ETHE1: variants seen among roughly 807,000 people sequenced by gnomAD.
The protein encoded by ETHE1 is persulfide dioxygenase ETHE1, mitochondrial.
ETHE1 carries 16 observed loss-of-function variants against 25.7 expected under a neutral mutation model. The observed-to-expected ratio is 0.62, with a 90% CI of 0.42 to 0.95. The LOEUF (loss-of-function observed/expected upper bound fraction) is 0.95, where lower values mean the gene tolerates loss of function less well. Ranked by LOEUF, ETHE1 falls within the 40% of genes least tolerant of loss-of-function variation. ETHE1 has a pLI of 0.00. For synonymous variants in ETHE1, 139 were observed against 135.9 expected, an observed-to-expected ratio of 1.02 and a Z score of -0.16; for missense variants, 300 against 333.6, an observed-to-expected ratio of 0.90 and a Z score of 0.79.
chr19:43,519,028 T>TTTTC (rs1972087116), intron 3 of ETHE1, among the ~76,000 whole-genome samples: 1 of 126,242 alleles, frequency 7.9e-6, no homozygotes, highest in African/African-American at 3.1e-5. Context: ...TTTTTTTTTT[T>TTTTC]TGAGACAGTC....
At chr19:43,524,551 T>G (rs1568501057) in intron 3 of ETHE1, among the ~76,000 whole-genome samples, 2 of 152,086 alleles carry the variant, frequency 1.3e-5, no homozygotes, top group African/African-American at 2.4e-5. Context: ...GTCATTGAAT[T>G]GTGCACTCGA....
At chr19:43,515,359 G>GAAA (rs1971998704) in intron 3 of ETHE1, among the ~76,000 whole-genome samples, 1 of 148,860 alleles carries the variant, frequency 6.7e-6, no homozygotes, top group African/African-American at 2.5e-5. Flanking sequence ...GGAGGTTGCA[G>GAAA]TGAGCCAAGA....
In ETHE1 at chr19:43,526,674, C is replaced by G. The variant is rs1972256672; in HGVS notation, c.82-15G>C. The G allele has an allele frequency of 6.2e-7, 1 of 1,612,736 alleles. No individual in the cohort carries two copies. Among genetic ancestry groups the G allele is most frequent in the African/African-American group, 1.3e-5 (1 of 74,842 alleles). On this transcript the variant is annotated splice_polypyrimidine_tract_variant and intron_variant, in intron 1 of 6. Coordinates refer to ENST00000292147, the MANE Select transcript of ETHE1 (RefSeq NM_014297.5). ...GGCTCGAACATCTGGGAACGGGGGACCCAGGTGAGGGCGCAGAACCGGACT... is the reference window on the plus strand; with the variant it reads ...GGCTCGAACATCTGGGAACGGGGGAGCCAGGTGAGGGCGCAGAACCGGACT...
chr19:43,514,485 C>CT (rs767043458), intron 3 of ETHE1, among the ~76,000 whole-genome samples: 35,964 of 112,864 alleles, frequency 0.32, 7,199 homozygotes, highest in East Asian at 0.51. Context: ...TTGGGTATGT[C>CT]TTTTTTTTTT....
chr19:43,516,611 CTTTCTT>C (rs1972023419), intron 3 of ETHE1, among the ~76,000 whole-genome samples: 2 of 134,212 alleles, frequency 1.5e-5, no homozygotes, highest in South Asian at 4.8e-4. Context: ...GCTTTTTTTT[CTTTCTT>C]TTTTTCTTTT....
At chr19:43,522,569 C>T (rs1000243418) in intron 3 of ETHE1, among the ~76,000 whole-genome samples, 9 of 152,148 alleles carry the variant, frequency 5.9e-5, no homozygotes, top group African/African-American at 1.4e-4. Context: ...CTCCACCTCC[C>T]GGGGGAGGTT....
At chr19:43,510,156 T>A (rs1394694539) in intron 4 of ETHE1, among the ~76,000 whole-genome samples, 1 of 152,062 alleles carries the variant, frequency 6.6e-6, no homozygotes, top group Non-Finnish European at 1.5e-5. Context: ...CCAGGCCTAG[T>A]GTTAACCCCA....
intron 3 of ETHE1, among the ~76,000 whole-genome samples, chr19:43,515,726 C>A (rs1468829243): frequency 6.6e-6 from 1 of 152,058 alleles, no homozygotes; most frequent in Non-Finnish European, 1.5e-5. Flanking sequence ...AGGTGCCCAC[C>A]ACCATGCCCA....
intron 3 of ETHE1, among the ~76,000 whole-genome samples, chr19:43,522,543 C>G (rs1335046884): frequency 2.0e-5 from 3 of 152,172 alleles, no homozygotes; most frequent in Non-Finnish European, 4.4e-5. Context: ...ATGGCACCAT[C>G]TGGGCTCACT....
At position 43,525,154 on chromosome 19, in the gene ETHE1, G is replaced by GAA. The variant is rs71890992; in HGVS notation, c.375+1045_375+1046dup. On this transcript the variant is annotated intron_variant, in intron 3 of 6. Coordinates refer to ENST00000292147, the MANE Select transcript of ETHE1 (RefSeq NM_014297.5). The stretch of plus-strand genomic sequence containing the variant: ...AAAAAAAAAGAAAGAAAGAAAGAAA[G>GAA]AAAAAAAAAAAACACTGAAGCTAAA... 7.8e-3 allele frequency among the ~76,000 whole-genome samples: 1,044 copies of GAA among 134,076 alleles called. 7 individuals are homozygous for GAA. Among genetic ancestry groups the GAA allele is most frequent in the African/African-American group, 0.025 (923 of 36,442 alleles). The allele number at this position is 134,076 out of a possible 152,430, so 88.0% of individuals were successfully genotyped here.
chr19:43,506,739 T>C lies in ETHE1; in HGVS notation c.*111A>G. On this transcript the variant is annotated 3_prime_UTR_variant, in exon 7 of 7. Coordinates refer to ENST00000292147, the MANE Select transcript of ETHE1 (RefSeq NM_014297.5). ...CAGACTCACGTTAAAAAAAGTTTTA[T>C]TTAGGGAGCTCCAGGGAATGCGGTG... The C allele has an allele frequency of 9.3e-7, 1 of 1,078,462 alleles. No homozygotes were observed. Among genetic ancestry groups the C allele is most frequent in the Non-Finnish European group, 1.4e-6 (1 of 703,528 alleles). 66.8% of individuals were successfully genotyped at this position (1,078,462 alleles called of 1,614,324 possible). A position where few individuals can be genotyped will look rare whatever the true frequency, so the allele number is the denominator to read the frequency against.
chr19:43,513,003 C>G (rs565045129), intron 3 of ETHE1, among the ~76,000 whole-genome samples: 2 of 152,346 alleles, frequency 1.3e-5, no homozygotes, highest in African/African-American at 4.8e-5. Flanking sequence ...TAAAAGGGGC[C>G]AAGTACAGCT....
chr19:43,507,993 C>T lies in ETHE1; in HGVS notation c.663G>A (p.Glu221=), dbSNP rs1971828649. 6.2e-7 allele frequency: 1 copy of T among 1,614,178 alleles called. No homozygotes were observed. Among genetic ancestry groups the T allele is most frequent in the Non-Finnish European group, 8.5e-7 (1 of 1,180,038 alleles). ...TCAGGTTGCCCATGATTTTGACAAA[C>T]TCCTCACAGCTGAGGGTGAGCCGAG... ...LNPRLTLSCE[E]FVKIMGNLNL... The change falls in exon 6 of 7, where the codon GAG becomes GAA. Residue 221 remains glutamate (E), a synonymous_variant. Transcript: ENST00000292147.
chr19:43,520,299 T>C (rs1011455434), intron 3 of ETHE1, among the ~76,000 whole-genome samples: 1 of 152,048 alleles, frequency 6.6e-6, no homozygotes, highest in Non-Finnish European at 1.5e-5. Context: ...GAGGCAGAGG[T>C]TGCAGTAAAC....
chr19:43,522,679 C>T (rs1159395795), intron 3 of ETHE1, among the ~76,000 whole-genome samples: 1 of 152,106 alleles, frequency 6.6e-6, no homozygotes, highest in Non-Finnish European at 1.5e-5. Flanking sequence ...TGGGGTTTCA[C>T]CATGTTGGTC....
intron 4 of ETHE1, among the ~76,000 whole-genome samples, chr19:43,510,237 G>A: frequency 6.6e-6 from 1 of 152,062 alleles, no homozygotes. Context: ...CTACAGGGAA[G>A]CTCCTAAATC....
intron 3 of ETHE1, among the ~76,000 whole-genome samples, chr19:43,521,125 G>A (rs760480173): frequency 1.2e-4 from 19 of 152,076 alleles, no homozygotes; most frequent in Non-Finnish European, 2.8e-4. Flanking sequence ...TTGAGGCCAG[G>A]TGCTCACGAC....
Position 43,512,602 on chromosome 19 carries a change from T to C in ETHE1, c.376-1036A>G, listed in dbSNP as rs192194050. Among the ~76,000 whole-genome samples, 60 of 152,304 alleles carry C rather than the reference T, an allele frequency of 3.9e-4. 1 individual carries two copies. In the East Asian group the frequency reaches 0.011, roughly 28 times the overall value. On this transcript the variant is annotated intron_variant, in intron 3 of 6. Coordinates refer to ENST00000292147, the MANE Select transcript of ETHE1 (RefSeq NM_014297.5). ...GGTGACTTGAGTGCTGTTAAAAGCA[T>C]TCAAGAGGTGACTTGAGTGCTGTTA...
intron 3 of ETHE1, among the ~76,000 whole-genome samples, chr19:43,519,707 T>C (rs1008040576): frequency 2.0e-5 from 3 of 152,136 alleles, no homozygotes; most frequent in Non-Finnish European, 4.4e-5. Flanking sequence ...TTCTTTTCCA[T>C]TTGGTTCCCA....
Sources: gnomAD v4.1 joint callset for allele counts (sites outside exome capture counted in the v4.1 genomes callset) on GRCh38, gnomAD v4.1.1 for gene constraint, MANE v1.5 for transcripts, NCBI Gene and HGNC (gene_info 2026-07-23, HGNC 2026-07-21) for gene names.